CYP7B1: variants seen among roughly 807,000 people sequenced by gnomAD.
The protein encoded by CYP7B1 is cytochrome P450 family 7 subfamily B member 1.
A neutral mutation model predicts 42.7 loss-of-function variants in CYP7B1; 29 were observed. The ratio of observed to expected loss-of-function variants is 0.68; its 90% confidence interval spans 0.51 to 0.93. CYP7B1 has a LOEUF of 0.93. Among genes scored for constraint, CYP7B1 ranks in the 40% least tolerant of loss-of-function variants. The pLI, the probability that CYP7B1 is intolerant of heterozygous loss-of-function variation, is 0.00. For missense variants in CYP7B1, 655 were observed against 600.5 expected, an observed-to-expected ratio of 1.09 and a Z score of -0.95; for synonymous variants, 235 against 218.2, an observed-to-expected ratio of 1.08 and a Z score of -0.68.
intron 1 of CYP7B1, among the ~76,000 whole-genome samples, chr8:64,739,650 G>A (rs935472850): frequency 1.3e-5 from 2 of 152,172 alleles, no homozygotes; most frequent in Non-Finnish European, 2.9e-5. Context: ...AGAAATATTT[G>A]ATGTAATAAT....
intron 1 of CYP7B1, among the ~76,000 whole-genome samples, chr8:64,720,475 A>G (rs554894688): frequency 6.6e-6 from 1 of 152,330 alleles, no homozygotes; most frequent in African/African-American, 2.4e-5. Context: ...TTAATTTTAT[A>G]TGAATGACCA....
intron 1 of CYP7B1, among the ~76,000 whole-genome samples, chr8:64,779,691 A>C (rs1360668217): frequency 6.6e-6 from 1 of 152,138 alleles, no homozygotes; most frequent in Non-Finnish European, 1.5e-5. Flanking sequence ...CACTGCTTTC[A>C]CCAGGACAAC....
At chr8:64,691,625 G>A (rs1007212625) in intron 1 of CYP7B1, among the ~76,000 whole-genome samples, 3 of 152,106 alleles carry the variant, frequency 2.0e-5, no homozygotes, top group African/African-American at 7.2e-5. Flanking sequence ...CATTTTCAAT[G>A]CAATGACAAT....
intron 1 of CYP7B1, among the ~76,000 whole-genome samples, chr8:64,751,739 T>C (rs990284588): frequency 6.6e-6 from 1 of 152,194 alleles, no homozygotes; most frequent in African/African-American, 2.4e-5. Flanking sequence ...TACCCTTGTC[T>C]GAATAGCCTT....
At chr8:64,630,148 G>A (rs912434172) in intron 1 of CYP7B1, among the ~76,000 whole-genome samples, 1 of 152,060 alleles carries the variant, frequency 6.6e-6, no homozygotes, top group Non-Finnish European at 1.5e-5. Flanking sequence ...TCAACAGAAA[G>A]GAAGTGGGGG....
At chr8:64,624,644 T>C in intron 1 of CYP7B1, 105 bp from the exon 2 acceptor site, 2 of 1,289,056 alleles carry the variant, frequency 1.6e-6, no homozygotes, top group Non-Finnish European at 2.2e-6. Context: ...CTGCATGGAT[T>C]GCACTGCTTC....
chr8:64,613,437 A>G (rs550650018), intron 4 of CYP7B1, among the ~76,000 whole-genome samples: 12 of 152,310 alleles, frequency 7.9e-5, no homozygotes, highest in African/African-American at 2.6e-4. Context: ...TAATAACTAT[A>G]CAGAATACAA....
At chr8:64,680,818 T>A (rs1317488383) in intron 1 of CYP7B1, among the ~76,000 whole-genome samples, 1 of 152,228 alleles carries the variant, frequency 6.6e-6, no homozygotes, top group Non-Finnish European at 1.5e-5. Flanking sequence ...AAAGTAAGGT[T>A]TTCCTTAGCA....
chr8:64,685,837 T>C lies in CYP7B1; in HGVS notation c.123-61298A>G, dbSNP rs555413697. 6.6e-3 allele frequency among the ~76,000 whole-genome samples: 117 copies of C among 17,648 alleles called. 1 individual carries two copies. Among genetic ancestry groups the C allele is most frequent in the Admixed American group, 9.5e-3 (19 of 1,994 alleles). 11.6% of individuals were successfully genotyped at this position (17,648 alleles called of 152,430 possible). On this transcript the variant is annotated intron_variant, in intron 1 of 5. Transcript: ENST00000310193. ...TCCGGGAGGGAGGTGGGGGGTCAGC[T>C]CCCCCGCCCGGCCAGCCGTGCCATC... is the stretch of plus-strand genomic sequence containing the variant.
At chr8:64,732,123 T>C (rs1563408364) in intron 1 of CYP7B1, among the ~76,000 whole-genome samples, 2 of 152,292 alleles carry the variant, frequency 1.3e-5, no homozygotes, top group South Asian at 4.1e-4. Context: ...AGAAGAGGGT[T>C]ACTGTCCTCG....
At position 64,615,875 on chromosome 8, in the gene CYP7B1, C is replaced by A; in HGVS notation, c.666G>T (p.Lys222Asn). 6.2e-7 allele frequency: 1 copy of A among 1,613,674 alleles called. No individual in the cohort carries two copies. Among genetic ancestry groups the A allele is most frequent in the Non-Finnish European group, 8.5e-7 (1 of 1,179,760 alleles). Residue 222 changes from lysine (K) to asparagine (N), a missense_variant, in exon 3 of 6, where the codon AAG (lysine) becomes AAT (asparagine). Physicochemically the swap from Lys to Asn is moderately conservative, Grantham distance 94 (BLOSUM62 0). Transcript: ENST00000310193. ...GTATGTTGGATACTAAATATGCAAA[C>A]TTGTCATCAAATTTTAAAAAATCAT... ...LRDDFLKFDD[K>N]FAYLVSNIPI...
chr8:64,638,687 G>T (rs1362657043), intron 1 of CYP7B1, among the ~76,000 whole-genome samples: 1 of 152,032 alleles, frequency 6.6e-6, no homozygotes, highest in Non-Finnish European at 1.5e-5. Flanking sequence ...TGGAGTAAGG[G>T]ATTTTATTAT....
At chr8:64,671,162 A>G (rs2129631690) in intron 1 of CYP7B1, among the ~76,000 whole-genome samples, 1 of 152,280 alleles carries the variant, frequency 6.6e-6, no homozygotes, top group East Asian at 1.9e-4. Context: ...ACTATATTCA[A>G]TTTATGTAAA....
At chr8:64,790,147 C>T (rs966240999) in intron 1 of CYP7B1, among the ~76,000 whole-genome samples, 2 of 152,112 alleles carry the variant, frequency 1.3e-5, no homozygotes, top group Non-Finnish European at 2.9e-5. Context: ...CCTATTTACA[C>T]AAACAAGCAA....
At chr8:64,686,295 A>C (rs868332872) in intron 1 of CYP7B1, among the ~76,000 whole-genome samples, 2 of 7,472 alleles carry the variant, frequency 2.7e-4, no homozygotes, top group African/African-American at 1.2e-3. Flanking sequence ...TCGGCCCCCC[A>C]CCCGGCCAGC....
At chr8:64,622,456 A>G (rs953765530) in intron 2 of CYP7B1, among the ~76,000 whole-genome samples, 3 of 152,228 alleles carry the variant, frequency 2.0e-5, no homozygotes, top group African/African-American at 7.2e-5. Context: ...TTCAGGAAGG[A>G]ACAAGAGATC....
At chr8:64,793,846 T>C (rs966779384) in intron 1 of CYP7B1, among the ~76,000 whole-genome samples, 7 of 151,714 alleles carry the variant, frequency 4.6e-5, no homozygotes, top group African/African-American at 1.2e-4. Context: ...AACCATCCCA[T>C]AGAAATATGT....
At chr8:64,690,710 T>C (rs1806725426) in intron 1 of CYP7B1, among the ~76,000 whole-genome samples, 1 of 152,146 alleles carries the variant, frequency 6.6e-6, no homozygotes, top group Non-Finnish European at 1.5e-5. Flanking sequence ...AAAAAATATA[T>C]ATAAAATAGA....
chr8:64,612,574 T>C (rs1473402802), intron 4 of CYP7B1, among the ~76,000 whole-genome samples: 1 of 152,144 alleles, frequency 6.6e-6, no homozygotes, highest in Non-Finnish European at 1.5e-5. Context: ...AAACAGACTT[T>C]GGCAGTCTAA....
Sources: gnomAD v4.1 joint callset for allele counts (sites outside exome capture counted in the v4.1 genomes callset) on GRCh38, gnomAD v4.1.1 for gene constraint, MANE v1.5 for transcripts, NCBI Gene and HGNC (gene_info 2026-07-23, HGNC 2026-07-21) for gene names.